The following PDE11A variants were observed in gnomAD, a reference collection of about 807,000 sequenced individuals.
PDE11A encodes dual 3',5'-cyclic-AMP and -GMP phosphodiesterase 11A.
PDE11A carries 100 observed loss-of-function variants against 100.5 expected under a neutral mutation model. That is an observed-to-expected ratio of 1.00 (90% CI 0.85 to 1.18). The LOEUF is 1.18. Ranked by LOEUF, PDE11A falls within the 50% of genes most tolerant of loss-of-function variation. PDE11A has a pLI of 0.00. For synonymous variants in PDE11A, 381 were observed against 420.8 expected (o/e 0.91, Z 1.16); for missense variants, 1,141 against 1,152.6 (o/e 0.99, Z 0.15).
intron 9 of PDE11A, among the ~76,000 whole-genome samples, chr2:177,777,837 C>T (rs180949429): frequency 6.6e-6 from 1 of 152,184 alleles, no homozygotes; most frequent in Non-Finnish European, 1.5e-5. Flanking sequence ...AGTTAATCCA[C>T]AGAACACTTG....
chr2:177,801,529 T>C (rs2082795876), intron 9 of PDE11A, among the ~76,000 whole-genome samples: 1 of 152,002 alleles, frequency 6.6e-6, no homozygotes, highest in South Asian at 2.1e-4. Context: ...CACATTGGAG[T>C]TAATAAATAT....
At chr2:178,026,545 C>T (rs1392759813) in intron 1 of PDE11A, among the ~76,000 whole-genome samples, 1 of 151,392 alleles carries the variant, frequency 6.6e-6, no homozygotes, top group African/African-American at 2.4e-5. Flanking sequence ...CCTGTAATTC[C>T]AGCTACTCAG....
intron 19 of PDE11A, among the ~76,000 whole-genome samples, chr2:177,637,113 C>A (rs564129171): frequency 6.6e-6 from 1 of 152,194 alleles, no homozygotes; most frequent in African/African-American, 2.4e-5. Context: ...GGGCTAGGGC[C>A]GGGGCCTAAA....
intron 9 of PDE11A, among the ~76,000 whole-genome samples, chr2:177,784,540 C>T (rs890590866): frequency 1.3e-5 from 2 of 152,206 alleles, no homozygotes; most frequent in African/African-American, 4.8e-5. Flanking sequence ...GTCAGTCAAG[C>T]AGCCCATGCT....
At chr2:178,082,240 AAAAG>A (rs1271643364) in intron 2 of PDE11A, among the ~76,000 whole-genome samples, 1 of 152,256 alleles carries the variant, frequency 6.6e-6, no homozygotes, top group African/African-American at 2.4e-5. Flanking sequence ...GATTGAAAAT[AAAAG>A]AAAGAAACAG....
chr2:177,745,694 A>T (rs1365982574), intron 10 of PDE11A, among the ~76,000 whole-genome samples: 1 of 152,178 alleles, frequency 6.6e-6, no homozygotes, highest in African/African-American at 2.4e-5. Context: ...GGAGAGCACT[A>T]GGAATTCTAG....
chr2:177,675,287 A>C (rs1200089341), intron 17 of PDE11A, among the ~76,000 whole-genome samples, 168 bp downstream of exon 17: 6 of 148,550 alleles, frequency 4.0e-5, no homozygotes, highest in African/African-American at 1.2e-4. Flanking sequence ...AGGGCTGTGC[A>C]ATAAACTGTG....
intron 16 of PDE11A, chr2:177,675,878 A>AT: frequency 2.7e-6 from 1 of 376,162 alleles, no homozygotes; most frequent in Admixed American, 3.7e-5. Context: ...CAAGAGAATC[A>AT]GTATATAACA....
At chr2:177,884,307 C>T (rs1048628136) in intron 4 of PDE11A, among the ~76,000 whole-genome samples, 2 of 152,186 alleles carry the variant, frequency 1.3e-5, no homozygotes, top group African/African-American at 2.4e-5. Context: ...CTCATGACTC[C>T]TGTAAGGCTC....
At chr2:177,671,591 A>G (rs961483110) in intron 17 of PDE11A, among the ~76,000 whole-genome samples, 1 of 152,154 alleles carries the variant, frequency 6.6e-6, no homozygotes, top group African/African-American at 2.4e-5. Context: ...AAAAAAAAAA[A>G]AATTTAACCC....
chr2:177,870,529 G>A (rs2084112759), intron 5 of PDE11A, among the ~76,000 whole-genome samples: 2 of 152,202 alleles, frequency 1.3e-5, no homozygotes, highest in South Asian at 2.1e-4. Context: ...CTTTCAACAT[G>A]TTAAGTGTGA....
At chr2:178,025,627 C>T (rs778083338) in intron 1 of PDE11A, among the ~76,000 whole-genome samples, 7 of 152,016 alleles carry the variant, frequency 4.6e-5, no homozygotes, top group Non-Finnish European at 1.0e-4. Context: ...GCGCAACTGA[C>T]GTAGTAAAAA....
intron 5 of PDE11A, among the ~76,000 whole-genome samples, chr2:177,868,682 C>A (rs1161991996): frequency 1.3e-5 from 2 of 152,166 alleles, no homozygotes; most frequent in African/African-American, 4.8e-5. Flanking sequence ...AATGATGCAG[C>A]ATGTATCTTT....
intron 6 of PDE11A, among the ~76,000 whole-genome samples, chr2:177,834,832 C>T (rs576460131): frequency 1.3e-5 from 2 of 152,216 alleles, no homozygotes; most frequent in South Asian, 4.1e-4. Context: ...ATATAGGGAG[C>T]TTTTCTATGC....
intron 5 of PDE11A, among the ~76,000 whole-genome samples, chr2:177,855,760 C>T (rs1427042548): frequency 6.6e-6 from 1 of 152,056 alleles, no homozygotes; most frequent in Non-Finnish European, 1.5e-5. Context: ...AATTGTTTAA[C>T]ATGGCAATTG....
At chr2:177,999,055 G>A (rs187343148) in intron 2 of PDE11A, among the ~76,000 whole-genome samples, 7 of 152,258 alleles carry the variant, frequency 4.6e-5, no homozygotes, top group Admixed American at 2.0e-4. Flanking sequence ...ATAGCAAAAC[G>A]CCCATCATGT....
At chr2:178,053,592 A>C (rs913175385) in intron 1 of PDE11A, among the ~76,000 whole-genome samples, 4 of 152,134 alleles carry the variant, frequency 2.6e-5, no homozygotes, top group Non-Finnish European at 4.4e-5. Context: ...TTGCAGATGA[A>C]ATGATTGTAT....
intron 12 of PDE11A, among the ~76,000 whole-genome samples, chr2:177,715,111 G>T (rs2081417569): frequency 6.6e-6 from 1 of 152,232 alleles, no homozygotes; most frequent in Admixed American, 6.5e-5. Context: ...CACTGGAGGA[G>T]TTGGTTGTTT....
chr2:177,720,580 C>G (rs2081511980), intron 12 of PDE11A, among the ~76,000 whole-genome samples: 1 of 152,116 alleles, frequency 6.6e-6, no homozygotes. Context: ...GTCCAGAGAC[C>G]AGAACCTTTC....
Sources: allele counts gnomAD v4.1 joint callset (sites outside exome capture counted in the v4.1 genomes callset), GRCh38; gene constraint gnomAD v4.1.1; transcripts MANE v1.5; gene names NCBI Gene and HGNC (gene_info 2026-07-23, HGNC 2026-07-21).